Variants in PTPN14 observed in about 807,000 individuals in gnomAD.
PTPN14 encodes protein tyrosine phosphatase non-receptor type 14.
A neutral mutation model predicts 126.8 loss-of-function variants in PTPN14; 53 were observed. The observed-to-expected ratio is 0.42, with a 90% CI of 0.34 to 0.53. PTPN14 has a LOEUF of 0.53. Among genes scored for constraint, PTPN14 ranks in the 20% least tolerant of loss-of-function variants. The pLI, the probability that PTPN14 is intolerant of heterozygous loss-of-function variation, is 0.08. For missense variants in PTPN14, 1,257 were observed against 1,552.9 expected (o/e 0.81, Z 3.20); for synonymous variants, 630 against 599.3 (o/e 1.05, Z -0.75).
chr1:214,462,951 T>C (rs1660544519), intron 2 of PTPN14, among the ~76,000 whole-genome samples: 1 of 152,240 alleles, frequency 6.6e-6, no homozygotes, highest in Non-Finnish European at 1.5e-5. Flanking sequence ...GGAACTCTTT[T>C]AATATTTACA....
chr1:214,493,067 C>A (rs941001851), intron 1 of PTPN14, among the ~76,000 whole-genome samples: 12 of 152,114 alleles, frequency 7.9e-5, no homozygotes, highest in African/African-American at 2.9e-4. Context: ...ATGATCATTC[C>A]CAGTGTTTCT....
At chr1:214,455,203 T>C (rs1660356477) in intron 2 of PTPN14, among the ~76,000 whole-genome samples, 1 of 152,230 alleles carries the variant, frequency 6.6e-6, no homozygotes, top group African/African-American at 2.4e-5. Flanking sequence ...TCCAAGGAAC[T>C]ACTAATCCTG....
chr1:214,383,714 T>A lies in PTPN14; in HGVS notation c.2141A>T (p.Glu714Val). The A allele has an allele frequency of 6.2e-7, 1 of 1,613,484 alleles. No homozygotes were observed. Among genetic ancestry groups the A allele is most frequent in the African/African-American group, 1.3e-5 (1 of 75,054 alleles). ...LIHSSESEEE[E>V]EEAPESVPQI... The stretch of plus-strand genomic sequence containing the variant: ...GGGCACCGATTCTGGAGCCTCCTCC[T>A]CCTCCTCCTCACTCTCGCTGCTGTG... Residue 714 changes from glutamate (E) to valine (V), a missense_variant, in exon 13 of 19, where the codon GAG (glutamate) becomes GTG (valine). Glu to Val is a moderately radical substitution (Grantham distance 121, BLOSUM62 -2). Transcript: ENST00000366956. This position sits in a 1 kb window ranked among gnomAD's most constrained non-coding sequence, Gnocchi z 4.4.
chr1:214,371,033 T>A (rs1435803236), intron 16 of PTPN14, among the ~76,000 whole-genome samples: 1 of 152,198 alleles, frequency 6.6e-6, no homozygotes, highest in African/African-American at 2.4e-5. Flanking sequence ...GAAAGCAGAT[T>A]TACCTCGAAT....
At chr1:214,469,973 T>C (rs753921362) in intron 1 of PTPN14, among the ~76,000 whole-genome samples, 1 of 152,126 alleles carries the variant, frequency 6.6e-6, no homozygotes, top group Admixed American at 6.5e-5. Flanking sequence ...TAAGAACATA[T>C]CTAATAAATA....
chr1:214,518,772 A>C (rs1655171030), intron 1 of PTPN14, among the ~76,000 whole-genome samples: 1 of 152,220 alleles, frequency 6.6e-6, no homozygotes, highest in Non-Finnish European at 1.5e-5. Flanking sequence ...ATATTCAGCT[A>C]AACTGAAACA....
At chr1:214,429,370 T>C (rs1571994717) in intron 3 of PTPN14, among the ~76,000 whole-genome samples, 1 of 152,352 alleles carries the variant, frequency 6.6e-6, no homozygotes, top group East Asian at 1.9e-4. Flanking sequence ...GTATTTAAAA[T>C]GCATTGTTTC....
intron 13 of PTPN14, among the ~76,000 whole-genome samples, chr1:214,379,141 T>G (rs891566931): frequency 6.6e-6 from 1 of 152,190 alleles, no homozygotes; most frequent in Non-Finnish European, 1.5e-5. Context: ...CAGGCATTCC[T>G]CATAGAAGCA....
At position 214,364,808 on chromosome 1, in the gene PTPN14, T is replaced by G. The variant is rs866559113; in HGVS notation, c.3272-133A>C. On this transcript the variant is annotated intron_variant, in intron 17 of 18. Coordinates refer to ENST00000366956, the MANE Select transcript of PTPN14 (RefSeq NM_005401.5). The surrounding 1 kb of genome is among the most constrained non-coding windows in gnomAD (Gnocchi z 4.1). ...GTGTGTGTGTGTGTGTGTGTGTGTT[T>G]TAAGTGACAATAATTTATAGTTCTT... 993 of 877,678 alleles carry G rather than the reference T, an allele frequency of 1.1e-3. 9 individuals are homozygous for G. The African/African-American group carries it at 0.013, about 12-fold the overall frequency. The allele number at this position is 877,678 out of a possible 1,614,324, so 54.4% of individuals were successfully genotyped here.
chr1:214,443,082 C>T (rs984482012), intron 3 of PTPN14, among the ~76,000 whole-genome samples: 1 of 152,168 alleles, frequency 6.6e-6, no homozygotes, highest in Non-Finnish European at 1.5e-5. Context: ...CTCAGCCTCC[C>T]AAAGTGCTGG....
chr1:214,538,219 G>A (rs989976583), intron 1 of PTPN14, among the ~76,000 whole-genome samples: 11 of 152,022 alleles, frequency 7.2e-5, no homozygotes, highest in Non-Finnish European at 1.5e-4. Context: ...ATGGAAGGAG[G>A]AAGGAACACA....
chr1:214,518,767 C>A (rs1655170934), intron 1 of PTPN14, among the ~76,000 whole-genome samples: 1 of 152,044 alleles, frequency 6.6e-6, no homozygotes, highest in Admixed American at 6.6e-5. Flanking sequence ...AAGTTATATT[C>A]AGCTAAACTG....
In PTPN14 at chr1:214,507,069, A is replaced by G. The variant is rs192462315; in HGVS notation, c.-154-42112T>C. 2.6e-5 allele frequency among the ~76,000 whole-genome samples: 4 copies of G among 152,306 alleles called. No homozygotes were observed. In the East Asian group the frequency reaches 7.7e-4, roughly 29 times the overall value. On this transcript the variant is annotated intron_variant, in intron 1 of 18. Coordinates refer to ENST00000366956, the MANE Select transcript of PTPN14 (RefSeq NM_005401.5). ...ATATCACCTGCTTTCTTTACCAAGAATGAGTCATAAAACTTCTGTGATATG... is the reference window on the plus strand; with the variant it reads ...ATATCACCTGCTTTCTTTACCAAGAGTGAGTCATAAAACTTCTGTGATATG...
intron 13 of PTPN14, among the ~76,000 whole-genome samples, chr1:214,379,247 T>C (rs140207711): frequency 8.4e-4 from 128 of 152,318 alleles, no homozygotes; most frequent in African/African-American, 2.9e-3. Context: ...CATTGAATCC[T>C]TGGTTTCTTT....
rs954666443 is a variant in PTPN14 at position 214,551,507 on chromosome 1, A to T, written c.-479T>A. Reference sequence around the variant, plus strand: ...CTGTCTAGGGCTCCCCGAGGACCTGAGCCAGGAGAGCAGGCGGCTGAGCCC... The same window carrying T: ...CTGTCTAGGGCTCCCCGAGGACCTGTGCCAGGAGAGCAGGCGGCTGAGCCC... On this transcript the variant is annotated 5_prime_UTR_variant, in exon 1 of 19. Coordinates refer to ENST00000366956, the MANE Select transcript of PTPN14 (RefSeq NM_005401.5). 2 of 152,286 alleles carry T rather than the reference A, an allele frequency of 1.3e-5. No individual in the cohort carries two copies. Among genetic ancestry groups the T allele is most frequent in the East Asian group, 3.9e-4 (2 of 5,172 alleles). 9.4% of individuals were successfully genotyped at this position (152,286 alleles called of 1,614,324 possible).
In PTPN14 at chr1:214,355,289, T is replaced by A. The variant is rs1208534622; in HGVS notation, c.*2633A>T. The A allele has an allele frequency of 6.6e-6, 1 of 152,178 alleles. No individual in the cohort carries two copies. Among genetic ancestry groups the A allele is most frequent in the African/African-American group, 2.4e-5 (1 of 41,444 alleles). 9.4% of individuals were successfully genotyped at this position (152,178 alleles called of 1,614,324 possible). ...CGACCTCAAAGACGCACCAGATCTA[T>A]ATGCTGTCCACATGAGACATATTCT... On this transcript the variant is annotated 3_prime_UTR_variant, in exon 19 of 19. Transcript: ENST00000366956.
At chr1:214,483,401 C>T (rs1329247675) in intron 1 of PTPN14, 41 of 1,583,700 alleles carry the variant, frequency 2.6e-5, no homozygotes, top group Non-Finnish European at 3.3e-5. Flanking sequence ...TGTGCCAGGC[C>T]GACCGGGTGG....
intron 3 of PTPN14, among the ~76,000 whole-genome samples, chr1:214,436,141 G>C (rs768889302): frequency 1.3e-5 from 2 of 152,136 alleles, no homozygotes; most frequent in Non-Finnish European, 2.9e-5. Context: ...GCTAACATAG[G>C]AACAGAAAAC....
chr1:214,531,442 A>G (rs371929278), intron 1 of PTPN14: 4 of 150,760 alleles, frequency 2.7e-5, no homozygotes, highest in Non-Finnish European at 5.9e-5. Context: ...TTTGCACTCC[A>G]ATAGTAGTTT....
Sources: gnomAD v4.1 joint callset for allele counts (sites outside exome capture counted in the v4.1 genomes callset) on GRCh38, gnomAD v4.1.1 for gene constraint, Gnocchi (gnomAD v3.1) non-coding constraint, MANE v1.5 for transcripts, NCBI Gene and HGNC (gene_info 2026-07-23, HGNC 2026-07-21) for gene names.